RPTOR: variants seen among roughly 807,000 people sequenced by gnomAD.
The protein encoded by RPTOR is regulatory-associated protein of mTOR.
RPTOR carries 21 observed loss-of-function variants against 169.9 expected under a neutral mutation model. The observed-to-expected ratio is 0.12, with a 90% CI of 0.09 to 0.18. The LOEUF (loss-of-function observed/expected upper bound fraction) is 0.18. Ranked by LOEUF, RPTOR falls within the 10% of genes least tolerant of loss-of-function variation. RPTOR has a pLI of 1.00. For synonymous variants in RPTOR, 732 were observed against 753.2 expected (o/e 0.97, Z 0.46); for missense variants, 1,133 against 1,855.9 (o/e 0.61, Z 7.16).
intron 2 of RPTOR, among the ~76,000 whole-genome samples, chr17:80,632,813 T>C (rs571394045): frequency 5.3e-5 from 8 of 152,322 alleles, no homozygotes; most frequent in African/African-American, 1.9e-4. Context: ...TTGAAAATTT[T>C]TATTTTTGTG....
intron 2 of RPTOR, among the ~76,000 whole-genome samples, chr17:80,632,692 G>A (rs1188164041): frequency 6.6e-6 from 1 of 152,180 alleles, no homozygotes; most frequent in South Asian, 2.1e-4. Flanking sequence ...TCCTGGTCCT[G>A]GTGATGGTGG....
At chr17:80,755,545 T>C (rs1354027588) in intron 6 of RPTOR, among the ~76,000 whole-genome samples, 2 of 152,104 alleles carry the variant, frequency 1.3e-5, no homozygotes, top group African/African-American at 2.4e-5. Flanking sequence ...GAGACTAGCC[T>C]GGCCAACATG....
intron 29 of RPTOR, among the ~76,000 whole-genome samples, chr17:80,958,008 TA>T (rs2069275644): frequency 6.6e-6 from 1 of 152,144 alleles, no homozygotes; most frequent in African/African-American, 2.4e-5. Context: ...CTCTGCAAAT[TA>T]AGGAATGTCA....
In RPTOR at chr17:80,580,699, T is replaced by C. The variant is rs571995131; in HGVS notation, c.162+34908T>C. 1.8e-3 allele frequency among the ~76,000 whole-genome samples: 267 copies of C among 152,294 alleles called. 2 individuals are homozygous for C. Among genetic ancestry groups the C allele is most frequent in the African/African-American group, 5.9e-3 (246 of 41,566 alleles). On this transcript the variant is annotated intron_variant, in intron 1 of 33. Coordinates refer to ENST00000306801, the MANE Select transcript of RPTOR (RefSeq NM_020761.3). ...GTGCAGTGGCATAATCACAGTTCGC[T>C]GTAGCCTCGAACTCCTCAGCTCCAG...
intron 21 of RPTOR, among the ~76,000 whole-genome samples, chr17:80,916,186 G>C (rs2068671415): frequency 6.6e-6 from 1 of 152,174 alleles, no homozygotes; most frequent in Admixed American, 6.5e-5. Flanking sequence ...AAGGAGAGAA[G>C]AGAAAAGGAG....
intron 1 of RPTOR, among the ~76,000 whole-genome samples, chr17:80,582,708 G>A (rs1311933469): frequency 6.6e-6 from 1 of 151,614 alleles, no homozygotes; most frequent in Admixed American, 6.6e-5. Context: ...ACCATGCCTG[G>A]CTAATTTTTA....
intron 13 of RPTOR, among the ~76,000 whole-genome samples, chr17:80,867,896 A>G (rs1020585254): frequency 3.9e-5 from 6 of 152,240 alleles, no homozygotes; most frequent in African/African-American, 7.2e-5. Context: ...ATCGTCCGTT[A>G]TCTTGATTTC....
At chr17:80,602,825 G>A (rs952840067) in intron 1 of RPTOR, 46 of 635,196 alleles carry the variant, frequency 7.2e-5, no homozygotes, top group Middle Eastern at 3.8e-4. Context: ...AGCCCACTCC[G>A]TGGACGCGCT....
chr17:80,910,847 T>C (rs2068603828), intron 21 of RPTOR, among the ~76,000 whole-genome samples: 1 of 151,930 alleles, frequency 6.6e-6, no homozygotes. Context: ...CAGTTCTTTT[T>C]TTTTTTTTTT....
intron 1 of RPTOR, among the ~76,000 whole-genome samples, chr17:80,576,841 C>T (rs575815836): frequency 9.2e-5 from 14 of 152,244 alleles, no homozygotes; most frequent in African/African-American, 3.1e-4. Context: ...GTAGCTGGGA[C>T]AGCAGGTGTG....
At chr17:80,574,855 G>T (rs1156580470) in intron 1 of RPTOR, among the ~76,000 whole-genome samples, 2 of 127,744 alleles carry the variant, frequency 1.6e-5, no homozygotes, top group South Asian at 2.6e-4. Context: ...GTAGAGACAG[G>T]GTCTTCTTAT....
At chr17:80,705,279 TCTGAGCGAGGAGACA>T (rs1225695926) in intron 3 of RPTOR, among the ~76,000 whole-genome samples, 1 of 152,246 alleles carries the variant, frequency 6.6e-6, no homozygotes, top group Non-Finnish European at 1.5e-5. Flanking sequence ...GCATTCTGGT[TCTGAGCGAGGAGACA>T]CTGAGAGGGG....
chr17:80,842,671 C>T (rs1421527773), intron 10 of RPTOR, among the ~76,000 whole-genome samples: 1 of 152,218 alleles, frequency 6.6e-6, no homozygotes, highest in Non-Finnish European at 1.5e-5. Context: ...TATACTTGTA[C>T]TGGCCATTTA....
chr17:80,557,363 AT>A lies in RPTOR; in HGVS notation c.162+11575del. On this transcript the variant is annotated intron_variant, in intron 1 of 33. Transcript: ENST00000306801. Reference sequence around the variant, plus strand: ...GGTGAAACACCCATCTCTACCAAAAATTTAAAAATTAGGCGTGGTCGTGGAT... The same window carrying A: ...GGTGAAACACCCATCTCTACCAAAAATTAAAAATTAGGCGTGGTCGTGGAT... Among the ~76,000 whole-genome samples the A allele has an allele frequency of 2.0e-5, 3 of 151,734 alleles. No homozygotes were observed. The Middle Eastern group carries it at 0.01, about 523-fold the overall frequency.
intron 24 of RPTOR, among the ~76,000 whole-genome samples, chr17:80,931,382 A>G (rs894570909): frequency 6.6e-6 from 1 of 152,206 alleles, no homozygotes; most frequent in Non-Finnish European, 1.5e-5. Flanking sequence ...AGAAATGCTC[A>G]CCTGAAATTG....
intron 19 of RPTOR, among the ~76,000 whole-genome samples, chr17:80,893,240 G>T (rs915339450): frequency 1.3e-5 from 2 of 151,886 alleles, no homozygotes; most frequent in Middle Eastern, 6.8e-3. Flanking sequence ...GTGCGCCGGG[G>T]CGTGTGTGCC....
At chr17:80,851,005 T>C (rs2067787996) in intron 11 of RPTOR, among the ~76,000 whole-genome samples, 1 of 152,232 alleles carries the variant, frequency 6.6e-6, no homozygotes, top group Admixed American at 6.5e-5. Flanking sequence ...CATAGCTCGC[T>C]GCAACTTCCA....
At chr17:80,741,465 A>C (rs1353636202) in intron 5 of RPTOR, among the ~76,000 whole-genome samples, 1 of 152,196 alleles carries the variant, frequency 6.6e-6, no homozygotes, top group Admixed American at 6.5e-5. Flanking sequence ...GACTTAGGCA[A>C]AAGGAGTTAA....
At chr17:80,556,993 G>A (rs995148626) in intron 1 of RPTOR, among the ~76,000 whole-genome samples, 2 of 152,154 alleles carry the variant, frequency 1.3e-5, no homozygotes, top group Non-Finnish European at 2.9e-5. Flanking sequence ...CTACTTGGGA[G>A]GCTGAGGCAG....
Sources: gnomAD v4.1 joint callset for allele counts (sites outside exome capture counted in the v4.1 genomes callset) on GRCh38, gnomAD v4.1.1 for gene constraint, MANE v1.5 for transcripts, NCBI Gene and HGNC (gene_info 2026-07-23, HGNC 2026-07-21) for gene names.